The following SLC7A14 variants were observed in gnomAD, a reference collection of about 807,000 sequenced individuals.
The protein encoded by SLC7A14 is gamma-aminobutyric acid transporter SLC7A14.
In SLC7A14, 37 loss-of-function variants were observed where a neutral mutation model predicts 60.2. The ratio of observed to expected loss-of-function variants is 0.61; its 90% CI spans 0.47 to 0.81. The LOEUF (loss-of-function observed/expected upper bound fraction) is 0.81. SLC7A14 is among the 30% of genes least tolerant of loss of function. The pLI is 0.00. For synonymous variants in SLC7A14, 399 were observed against 395.8 expected, an observed-to-expected ratio of 1.01 and a Z score of -0.10; for missense variants, 886 against 982.7, an observed-to-expected ratio of 0.90 and a Z score of 1.32.
intron 4 of SLC7A14, among the ~76,000 whole-genome samples, chr3:170,498,027 G>A (rs73040377): frequency 4.3e-4 from 65 of 152,346 alleles, no homozygotes; most frequent in African/African-American, 1.5e-3. Context: ...TCTCCTCCTA[G>A]AGTCAAATGC....
chr3:170,471,593 A>G (rs1200347530), intron 7 of SLC7A14, among the ~76,000 whole-genome samples: 2 of 152,334 alleles, frequency 1.3e-5, no homozygotes, highest in East Asian at 3.9e-4. Flanking sequence ...TCTTCACCTT[A>G]TGAGGCTACA....
chr3:170,518,266 C>A (rs1276116881), intron 2 of SLC7A14, among the ~76,000 whole-genome samples: 1 of 152,188 alleles, frequency 6.6e-6, no homozygotes, highest in Non-Finnish European at 1.5e-5. Flanking sequence ...TGGTGGTCTT[C>A]TTCGCTAGAG....
rs368474994 is a variant in SLC7A14 at position 170,543,496 on chromosome 3, A to C, written c.-152-16408T>G. 1.6e-4 allele frequency among the ~76,000 whole-genome samples: 24 copies of C among 151,912 alleles called. No individual in the cohort carries two copies. In the South Asian group the frequency reaches 4.8e-3, roughly 30 times the overall value. ...GAAACCCAGTCTCTACTAAAAATAC[A>C]AAATTAGCTGGGAGTGGTGGCGCAT... On this transcript the variant is annotated intron_variant, in intron 1 of 7. Transcript: ENST00000231706.
chr3:170,479,376 A>T (rs1711736996), intron 7 of SLC7A14, among the ~76,000 whole-genome samples: 1 of 152,210 alleles, frequency 6.6e-6, no homozygotes, highest in South Asian at 2.1e-4. Context: ...TGAGTCTTCC[A>T]TTACACTTCT....
intron 2 of SLC7A14, among the ~76,000 whole-genome samples, chr3:170,509,449 T>C (rs536583503): frequency 1.2e-4 from 18 of 152,204 alleles, no homozygotes; most frequent in African/African-American, 4.1e-4. Flanking sequence ...AGGAAATAAG[T>C]TGTCCTTTGA....
At chr3:170,491,430 G>A (rs1310598513) in intron 4 of SLC7A14, among the ~76,000 whole-genome samples, 1 of 152,026 alleles carries the variant, frequency 6.6e-6, no homozygotes, top group Non-Finnish European at 1.5e-5. Flanking sequence ...GACATGTGGA[G>A]GTTCTACCAC....
intron 1 of SLC7A14, among the ~76,000 whole-genome samples, chr3:170,555,895 A>G (rs1714473692): frequency 6.6e-6 from 1 of 152,236 alleles, no homozygotes; most frequent in Admixed American, 6.5e-5. Context: ...TATAAATAAT[A>G]CTACAGTGAA....
chr3:170,512,653 C>CTTTTTTTT (rs1483240298), intron 2 of SLC7A14, among the ~76,000 whole-genome samples: 1 of 74,730 alleles, frequency 1.3e-5, no homozygotes, highest in South Asian at 5.5e-4. Flanking sequence ...GTACAATTTG[C>CTTTTTTTT]ATTTTTTTTT....
intron 2 of SLC7A14, among the ~76,000 whole-genome samples, chr3:170,515,312 GC>G (rs202211117): frequency 2.6e-5 from 3 of 113,348 alleles, no homozygotes; most frequent in Non-Finnish European, 4.0e-5. Context: ...GACTCTGTCC[GC>G]CCCCCCCAAA....
chr3:170,521,255 T>C (rs1292938761), intron 2 of SLC7A14, among the ~76,000 whole-genome samples: 2 of 152,152 alleles, frequency 1.3e-5, no homozygotes, highest in African/African-American at 2.4e-5. Context: ...GTAAAGAAAA[T>C]AGATTGCTCT....
intron 1 of SLC7A14, among the ~76,000 whole-genome samples, chr3:170,552,345 A>G (rs1482112868): frequency 6.6e-6 from 1 of 152,204 alleles, no homozygotes; most frequent in Non-Finnish European, 1.5e-5. Flanking sequence ...CATTGAGATC[A>G]GTTGCCTAAC....
rs920481647 is a variant in SLC7A14, at chr3:170,480,875, C to T, written c.1407G>A (p.Glu469=). The T allele has an allele frequency of 1.2e-6, 2 of 1,614,110 alleles. No individual in the cohort carries two copies. The highest frequency in any genetic ancestry group is 8.5e-7 in the Non-Finnish European group (1 of 1,180,030). Residue 469 remains glutamate (E), a synonymous_variant, in exon 7 of 8, where the codon GAG becomes GAA. Coordinates refer to ENST00000231706, the MANE Select transcript of SLC7A14 (RefSeq NM_020949.3). ...CEKEACSPVS[E]GDEFSGPATN... is the part of the protein sequence containing the mutation. ...TGGCTGGGCCAGAAAACTCATCCCC[C>T]TCACTCACAGGAGAACAAGCTTCCT...
chr3:170,482,570 A>C (rs759481396), intron 6 of SLC7A14, among the ~76,000 whole-genome samples: 6 of 152,248 alleles, frequency 3.9e-5, no homozygotes, highest in Non-Finnish European at 7.3e-5. Context: ...CTGGGGCCAC[A>C]TCCCCTTTGT....
Position 170,479,152 on chromosome 3 carries a change from TAACAAC to T in SLC7A14, c.1993+1131_1993+1136del, listed in dbSNP as rs71300473. ...CAACAAACAAAACAAAACAAACAAATAACAACAACAACAACAACAACAAAAAGAGTC... is the reference window on the plus strand; with the variant it reads ...CAACAAACAAAACAAAACAAACAAATAACAACAACAACAACAAAAAGAGTC... On this transcript the variant is annotated intron_variant, in intron 7 of 7. Coordinates refer to ENST00000231706, the MANE Select transcript of SLC7A14 (RefSeq NM_020949.3). Among the ~76,000 whole-genome samples the T allele has an allele frequency of 2.4e-3, 359 of 150,596 alleles. 4 individuals are homozygous for T. The highest frequency in any genetic ancestry group is 4.4e-3 in the Non-Finnish European group (300 of 67,562).
chr3:170,558,176 T>C (rs1173072440), intron 1 of SLC7A14, among the ~76,000 whole-genome samples: 1 of 152,158 alleles, frequency 6.6e-6, no homozygotes, highest in Non-Finnish European at 1.5e-5. Flanking sequence ...AAGACCAGCC[T>C]GGCCAATGTG....
chr3:170,503,048 T>G (rs1457649804), intron 2 of SLC7A14: 2 of 152,232 alleles, frequency 1.3e-5, no homozygotes, highest in Non-Finnish European at 2.9e-5. Flanking sequence ...TTCTTTTACA[T>G]CAGTTACAAT....
chr3:170,495,138 A>T (rs1342187023), intron 4 of SLC7A14, among the ~76,000 whole-genome samples: 2 of 152,252 alleles, frequency 1.3e-5, no homozygotes, highest in Non-Finnish European at 2.9e-5. Flanking sequence ...TGTAGTTTTA[A>T]CTATTGACAA....
intron 1 of SLC7A14, among the ~76,000 whole-genome samples, chr3:170,563,911 C>T (rs984001271): frequency 6.6e-6 from 1 of 152,236 alleles, no homozygotes; most frequent in Non-Finnish European, 1.5e-5. Flanking sequence ...GAACACACTA[C>T]TGATAGGAAT....
At chr3:170,523,031 C>T (rs1243550599) in intron 2 of SLC7A14, among the ~76,000 whole-genome samples, 1 of 152,102 alleles carries the variant, frequency 6.6e-6, no homozygotes, top group Non-Finnish European at 1.5e-5. Context: ...TTTTAAGGGC[C>T]ACACTCTCTG....
Sources: gnomAD v4.1 joint callset for allele counts (sites outside exome capture counted in the v4.1 genomes callset) on GRCh38, gnomAD v4.1.1 for gene constraint, MANE v1.5 for transcripts, NCBI Gene and HGNC (gene_info 2026-07-23, HGNC 2026-07-21) for gene names.